PUS7: variants seen among roughly 807,000 people sequenced by gnomAD.
PUS7 encodes pseudouridine synthase 7, also known as pseudouridylate synthase 7 homolog.
PUS7 carries 48 observed loss-of-function variants against 79.8 expected under a neutral mutation model. That is an observed-to-expected ratio of 0.60 (90% CI 0.48 to 0.76). The LOEUF is 0.76. Ranked by LOEUF, PUS7 falls within the 30% of genes least tolerant of loss-of-function variation. PUS7 has a pLI of 0.00. For missense variants in PUS7, 729 were observed against 797.6 expected (o/e 0.91, Z 1.04); for synonymous variants, 286 against 272.2 (o/e 1.05, Z -0.50).
In PUS7 at chr7:105,460,206, G is replaced by C. The variant is rs190618678; in HGVS notation, c.1758-947C>G. ...GCCCGCCTCGGCCTCCCAAAGTGCT[G>C]GGATTACAGGCGTGAGCCACCGTGC... On this transcript the variant is annotated intron_variant, in intron 14 of 15. Coordinates refer to ENST00000469408, the MANE Select transcript of PUS7 (RefSeq NM_019042.5). Among the ~76,000 whole-genome samples the C allele has an allele frequency of 3.4e-3, 519 of 152,124 alleles. 6 individuals are homozygous for C. The highest frequency in any genetic ancestry group is 0.017 in the Middle Eastern group (5 of 294).
intron 9 of PUS7, among the ~76,000 whole-genome samples, chr7:105,476,723 C>T (rs757760949): frequency 1.3e-5 from 2 of 152,208 alleles, no homozygotes; most frequent in African/African-American, 2.4e-5. Flanking sequence ...ACATCCCCAC[C>T]AGCAAAGCCC....
intron 7 of PUS7, among the ~76,000 whole-genome samples, chr7:105,486,127 C>G (rs1824539506): frequency 1.3e-5 from 2 of 151,738 alleles, no homozygotes; most frequent in Non-Finnish European, 1.5e-5. Flanking sequence ...TCTAGGCTTA[C>G]TGCAACCTCT....
chr7:105,496,224 T>TAGAGAGAG (rs1562809031), intron 5 of PUS7, among the ~76,000 whole-genome samples: 147 of 83,990 alleles, frequency 1.8e-3, no homozygotes, highest in Admixed American at 3.0e-3. Context: ...TATATATATA[T>TAGAGAGAG]ATAGAGAGAG....
At chr7:105,514,770 CA>C (rs1825829081) in intron 1 of PUS7, among the ~76,000 whole-genome samples, 1 of 151,860 alleles carries the variant, frequency 6.6e-6, no homozygotes, top group African/African-American at 2.4e-5. Flanking sequence ...TTTCCTGTTC[CA>C]TATAATAACT....
intron 4 of PUS7, among the ~76,000 whole-genome samples, chr7:105,503,021 C>T (rs1027261173): frequency 3.3e-5 from 5 of 152,136 alleles, no homozygotes; most frequent in African/African-American, 1.2e-4. Flanking sequence ...TCAGAGCTTC[C>T]CAATATTGCA....
At chr7:105,511,182 C>T (rs566910240) in intron 1 of PUS7, among the ~76,000 whole-genome samples, 16 of 148,048 alleles carry the variant, frequency 1.1e-4, no homozygotes, top group South Asian at 2.3e-4. Flanking sequence ...CAGGCACGCC[C>T]GCCACTATGC....
intron 5 of PUS7, among the ~76,000 whole-genome samples, chr7:105,498,594 T>C (rs910419610): frequency 3.3e-5 from 5 of 152,224 alleles, no homozygotes; most frequent in African/African-American, 9.6e-5. Context: ...AAAATGTTTC[T>C]AGCTGAGAAA....
intron 6 of PUS7, 124 bp downstream of exon 6, chr7:105,495,018 C>A: frequency 1.9e-5 from 9 of 470,024 alleles, no homozygotes; most frequent in East Asian, 7.3e-5. Flanking sequence ...AGAAAACTAT[C>A]ATTGGGAGGA....
At chr7:105,489,194 A>G (rs1256469843) in intron 7 of PUS7, among the ~76,000 whole-genome samples, 2 of 151,402 alleles carry the variant, frequency 1.3e-5, no homozygotes. Flanking sequence ...AAAAGAAACA[A>G]AATAAACTGA....
chr7:105,488,050 A>C (rs1019644527), intron 7 of PUS7, among the ~76,000 whole-genome samples: 1 of 152,166 alleles, frequency 6.6e-6, no homozygotes, highest in African/African-American at 2.4e-5. Context: ...CCGTGAGATA[A>C]GTGCTGTGTG....
chr7:105,479,490 C>A (rs930965072), intron 9 of PUS7, among the ~76,000 whole-genome samples: 1 of 152,190 alleles, frequency 6.6e-6, no homozygotes, highest in Non-Finnish European at 1.5e-5. Context: ...CAGCTTGTAA[C>A]TACCACAATT....
intron 7 of PUS7, among the ~76,000 whole-genome samples, chr7:105,489,794 A>G (rs1824708491): frequency 6.6e-6 from 1 of 152,318 alleles, no homozygotes; most frequent in African/African-American, 2.4e-5. Context: ...ATACCACCAT[A>G]AATTCTTTAT....
chr7:105,502,459 T>G lies in PUS7; in HGVS notation c.691A>C (p.Ile231Leu). Residue 231 changes from isoleucine (I) to leucine (L), a missense_variant, in exon 5 of 16, where the codon ATT becomes CTT. Physicochemically the swap from Ile to Leu is conservative, Grantham distance 5. Transcript: ENST00000469408. The stretch of plus-strand genomic sequence containing the variant: ...TTCCCAGCTGCGTGGTAGGCTACAA[T>G]GTATTTCTTCCCCTCCCTATCCTCT... ...KTEDREGKKY[I>L]VAYHAAGKKA... 6.2e-7 allele frequency: 1 copy of G among 1,614,164 alleles called. No individual in the cohort carries two copies. The highest frequency in any genetic ancestry group is 1.7e-5 in the Admixed American group (1 of 60,006).
intron 2 of PUS7, among the ~76,000 whole-genome samples, 162 bp from the exon 3 acceptor site, chr7:105,506,435 T>G (rs1187543935): frequency 6.6e-6 from 1 of 152,040 alleles, no homozygotes; most frequent in Non-Finnish European, 1.5e-5. Context: ...TTTCTTTTTT[T>G]TTTTTGAGAT....
chr7:105,487,539 T>C (rs894811282), intron 7 of PUS7, among the ~76,000 whole-genome samples: 1 of 152,202 alleles, frequency 6.6e-6, no homozygotes, highest in Non-Finnish European at 1.5e-5. Flanking sequence ...TTCTGGTTGG[T>C]ATGGGTGCTC....
intron 1 of PUS7, among the ~76,000 whole-genome samples, chr7:105,512,662 A>C (rs1825746563): frequency 6.6e-6 from 1 of 152,190 alleles, no homozygotes; most frequent in African/African-American, 2.4e-5. Context: ...CTGGGGTTAC[A>C]GCTTGGGAGG....
chr7:105,515,518 G>C (rs1402663311), intron 1 of PUS7, among the ~76,000 whole-genome samples: 1 of 152,094 alleles, frequency 6.6e-6, no homozygotes, highest in Non-Finnish European at 1.5e-5. Flanking sequence ...ACATTTGTCT[G>C]ATCTCTTTTT....
chr7:105,520,323 G>C (rs951139277), intron 1 of PUS7, among the ~76,000 whole-genome samples: 30 of 151,992 alleles, frequency 2.0e-4, no homozygotes, highest in Non-Finnish European at 1.8e-4. Flanking sequence ...GCCGGGCGTG[G>C]TGGCGGGCGC....
chr7:105,510,045 A>T (rs558550011), intron 1 of PUS7, among the ~76,000 whole-genome samples: 4 of 152,208 alleles, frequency 2.6e-5, no homozygotes, highest in Non-Finnish European at 4.4e-5. Context: ...TCACACCTGT[A>T]ATCCCAATAC....
Sources: allele counts gnomAD v4.1 joint callset (sites outside exome capture counted in the v4.1 genomes callset), GRCh38; gene constraint gnomAD v4.1.1; transcripts MANE v1.5; gene names NCBI Gene and HGNC (gene_info 2026-07-23, HGNC 2026-07-21).